Variants in THEMIS observed in about 807,000 individuals in gnomAD.
The protein encoded by THEMIS is thymocyte selection associated, also known as protein THEMIS.
In THEMIS, 37 loss-of-function variants were observed where a neutral mutation model predicts 52.6. That is an observed-to-expected ratio of 0.70 (90% CI 0.54 to 0.93). The LOEUF (loss-of-function observed/expected upper bound fraction) is 0.93. THEMIS is among the 40% of genes least tolerant of loss of function. THEMIS has a pLI of 0.00. For synonymous variants in THEMIS, 292 were observed against 272.7 expected (o/e 1.07, Z -0.70); for missense variants, 808 against 763.1 (o/e 1.06, Z -0.69).
chr6:127,856,375 C>T (rs1031885343), intron 1 of THEMIS, among the ~76,000 whole-genome samples: 2 of 151,998 alleles, frequency 1.3e-5, no homozygotes, highest in South Asian at 2.1e-4. Flanking sequence ...AGAATAATTT[C>T]AGGAAGTTTA....
At chr6:127,756,826 TG>T (rs1426877861) in intron 4 of THEMIS, among the ~76,000 whole-genome samples, 6 of 152,238 alleles carry the variant, frequency 3.9e-5, no homozygotes, top group African/African-American at 1.4e-4. Flanking sequence ...AATCTGGGAT[TG>T]TTTTTTCTGA....
chr6:127,730,339 A>AAAAAAAGAAAAGAAAAGAAG (rs1562219951), intron 4 of THEMIS, among the ~76,000 whole-genome samples: 1 of 150,424 alleles, frequency 6.6e-6, no homozygotes, highest in Non-Finnish European at 1.5e-5. Flanking sequence ...AAGAAAAGAA[A>AAAAAAAGAAAAGAAAAGAAG]AGAAGAGAAG....
At position 127,709,912 on chromosome 6, in the gene THEMIS, C is replaced by T; in HGVS notation, c.*73G>A. 7.2e-7 allele frequency: 1 copy of T among 1,390,910 alleles called. No individual in the cohort carries two copies. The highest frequency in any genetic ancestry group is 9.9e-7 in the Non-Finnish European group (1 of 1,005,736). 86.2% of individuals were successfully genotyped at this position (1,390,910 alleles called of 1,614,324 possible). ...AGTCCATTGGGGAATACTCGTTTTT[C>T]AGCTAGAAGGCTAGCTTCTTTTTTC... On this transcript the variant is annotated 3_prime_UTR_variant, in exon 6 of 6. Coordinates refer to ENST00000368248, the MANE Select transcript of THEMIS (RefSeq NM_001010923.3).
downstream of THEMIS, among the ~76,000 whole-genome samples, chr6:127,706,067 T>C (rs954147026): frequency 2.0e-5 from 3 of 152,102 alleles, no homozygotes. Context: ...CTAGGGAACC[T>C]GAGCTAAGAT....
intron 4 of THEMIS, among the ~76,000 whole-genome samples, chr6:127,784,950 ACT>A (rs1776873833): frequency 1.4e-5 from 2 of 145,404 alleles, no homozygotes; most frequent in Non-Finnish European, 1.5e-5. Flanking sequence ...AGGCAGTCAC[ACT>A]ATCTATCTAT....
intron 2 of THEMIS, among the ~76,000 whole-genome samples, chr6:127,844,457 G>C (rs545874607): frequency 9.9e-5 from 15 of 151,926 alleles, no homozygotes; most frequent in African/African-American, 3.4e-4. Context: ...AAAATTCATA[G>C]AGTATAGTCT....
chr6:127,730,861 C>T (rs1448407026), intron 4 of THEMIS, among the ~76,000 whole-genome samples: 1 of 152,130 alleles, frequency 6.6e-6, no homozygotes, highest in African/African-American at 2.4e-5. Flanking sequence ...AGGCACTTAT[C>T]CTGGATGAGG....
intron 4 of THEMIS, among the ~76,000 whole-genome samples, chr6:127,783,984 C>T (rs750407332): frequency 2.6e-5 from 4 of 152,164 alleles, no homozygotes; most frequent in Admixed American, 6.5e-5. Flanking sequence ...TTGGAACCAA[C>T]CCAAATGCCC....
intron 3 of THEMIS, among the ~76,000 whole-genome samples, chr6:127,821,134 A>C (rs943853322): frequency 1.3e-5 from 2 of 151,702 alleles, no homozygotes; most frequent in African/African-American, 4.8e-5. Flanking sequence ...ATATTGTGGT[A>C]TATATAGCTC....
At chr6:127,866,036 T>C (rs546446877) in intron 1 of THEMIS, among the ~76,000 whole-genome samples, 5 of 152,228 alleles carry the variant, frequency 3.3e-5, no homozygotes, top group African/African-American at 1.2e-4. Context: ...ATTGATAATA[T>C]GAGGAAAATC....
In THEMIS at chr6:127,813,369, C is replaced by G; in HGVS notation, c.1272G>C (p.Ala424=). 1 of 1,613,866 alleles carries G rather than the reference C, an allele frequency of 6.2e-7. No individual in the cohort carries two copies. Among genetic ancestry groups the G allele is most frequent in the East Asian group, 2.2e-5 (1 of 44,888 alleles). Reference sequence around the variant, plus strand: ...CTCCTTCCATGTACAAAGGGAGCAGCGCAGCCTCATAGGACTTTTTGAGGA... The same window carrying G: ...CTCCTTCCATGTACAAAGGGAGCAGGGCAGCCTCATAGGACTTTTTGAGGA... The part of the protein sequence containing the change: ...EKILKKSYEA[A]LLPLYMEGGF... Residue 424 remains alanine (A), a synonymous_variant, in exon 4 of 6, where the codon GCG becomes GCC. Transcript: ENST00000368248.
chr6:127,821,252 C>G lies in THEMIS; in HGVS notation c.710-7321G>C, dbSNP rs972465147. ...CAATTGGGAAAATGGAATTTCCTCC[C>G]CCAAAAAAGACCAAAGAGTACAAGC... On this transcript the variant is annotated intron_variant, in intron 3 of 5. Coordinates refer to ENST00000368248, the MANE Select transcript of THEMIS (RefSeq NM_001010923.3). 3.3e-5 allele frequency among the ~76,000 whole-genome samples: 5 copies of G among 151,756 alleles called. No homozygotes were observed. In the East Asian group the frequency reaches 9.7e-4, roughly 29 times the overall value.
chr6:127,813,589 G>T lies in THEMIS; in HGVS notation c.1052C>A (p.Thr351Lys), dbSNP rs200529297. The T allele has an allele frequency of 1.2e-6, 2 of 1,613,944 alleles. No homozygotes were observed. The highest frequency in any genetic ancestry group is 2.7e-5 in the African/African-American group (2 of 74,904). Residue 351 changes from threonine (T) to lysine (K), a missense_variant, in exon 4 of 6, where the codon ACG becomes AAG. Transcript: ENST00000368248. Reference sequence around the variant, plus strand: ...CTTAGCGATCTCTAGGTCATAGGCCGTTGGGAACTCCCTCGGTCGCCGCTT... The same window carrying T: ...CTTAGCGATCTCTAGGTCATAGGCCTTTGGGAACTCCCTCGGTCGCCGCTT... ...KFKRRPREFP[T>K]AYDLEIAKSE... is the part of the protein sequence containing the mutation.
chr6:127,725,756 C>T (rs1774522701), intron 4 of THEMIS, among the ~76,000 whole-genome samples: 4 of 151,968 alleles, frequency 2.6e-5, no homozygotes. Flanking sequence ...TTCTTTATAC[C>T]AATTCAAAGA....
intron 1 of THEMIS, among the ~76,000 whole-genome samples, chr6:127,898,647 G>T (rs1429663244): frequency 6.6e-6 from 1 of 151,586 alleles, no homozygotes; most frequent in Non-Finnish European, 1.5e-5. Flanking sequence ...CCCACTGCTG[G>T]ATATATATTC....
At chr6:127,884,072 C>G (rs567177413) in intron 1 of THEMIS, among the ~76,000 whole-genome samples, 1 of 152,244 alleles carries the variant, frequency 6.6e-6, no homozygotes, top group South Asian at 2.1e-4. Flanking sequence ...ACATTTATTC[C>G]TGACATTCTC....
At chr6:127,822,117 T>G (rs1405024370) in intron 3 of THEMIS, among the ~76,000 whole-genome samples, 1 of 152,098 alleles carries the variant, frequency 6.6e-6, no homozygotes, top group Admixed American at 6.6e-5. Flanking sequence ...AAGTATGAAC[T>G]TCATCTTCAT....
chr6:127,732,154 T>C (rs945340307), intron 4 of THEMIS, among the ~76,000 whole-genome samples: 3 of 151,962 alleles, frequency 2.0e-5, no homozygotes, highest in African/African-American at 7.3e-5. Context: ...TTTTAAAATA[T>C]ATTGTTAATC....
chr6:127,868,468 A>T, intron 1 of THEMIS: 3 of 985,436 alleles, frequency 3.0e-6, no homozygotes, highest in Non-Finnish European at 3.6e-6. Context: ...CAAGATCAGC[A>T]TTTCCCAACC....
Sources: gnomAD v4.1 joint callset for allele counts (sites outside exome capture counted in the v4.1 genomes callset) on GRCh38, gnomAD v4.1.1 for gene constraint, MANE v1.5 for transcripts, NCBI Gene and HGNC (gene_info 2026-07-23, HGNC 2026-07-21) for gene names.